Variants in SNED1 observed in about 807,000 individuals in gnomAD.
SNED1 encodes the protein sushi, nidogen and EGF-like domain-containing protein 1.
A neutral mutation model predicts 166.7 loss-of-function variants in SNED1; 81 were observed. The observed-to-expected ratio is 0.49, with a 90% CI of 0.41 to 0.58. The LOEUF (loss-of-function observed/expected upper bound fraction) is 0.58, where lower values mean the gene tolerates loss of function less well. SNED1 is among the 20% of genes least tolerant of loss of function. SNED1 has a pLI of 0.00. For synonymous variants in SNED1, 762 were observed against 822.0 expected (o/e 0.93, Z 1.25); for missense variants, 1,604 against 2,000.2 (o/e 0.80, Z 3.78).
At position 241,000,817 on chromosome 2, in the gene SNED1, T is replaced by C. The variant is rs993274056; in HGVS notation, c.213+1767T>C. Among the ~76,000 whole-genome samples, 8 of 152,340 alleles carry C rather than the reference T, an allele frequency of 5.3e-5. No homozygotes were observed. In the East Asian group the frequency reaches 1.4e-3, roughly 26 times the overall value. On this transcript the variant is annotated intron_variant, in intron 1 of 31. Coordinates refer to ENST00000310397, the MANE Select transcript of SNED1 (RefSeq NM_001080437.3). The stretch of plus-strand genomic sequence containing the variant: ...ATATTATTTGAAAACCATTTGCCGA[T>C]GTGGACACAGTGCCTGCAGTGCACT...
At chr2:241,015,681 G>A (rs866440476) in intron 1 of SNED1, 6 of 170,208 alleles carry the variant, frequency 3.5e-5, no homozygotes, top group East Asian at 1.9e-4. Flanking sequence ...CCCATGAATC[G>A]TCTCATAGCG....
chr2:241,066,768 G>A (rs1395797508), intron 21 of SNED1, among the ~76,000 whole-genome samples: 1 of 152,192 alleles, frequency 6.6e-6, no homozygotes, highest in Admixed American at 6.5e-5. Flanking sequence ...GTTCTCACAG[G>A]AGGAAAGCCT....
At chr2:241,061,339 T>C (rs2062223311) in intron 16 of SNED1, among the ~76,000 whole-genome samples, 1 of 152,118 alleles carries the variant, frequency 6.6e-6, no homozygotes, top group Admixed American at 6.5e-5. Context: ...GCTGGTAAAT[T>C]TTCAGAAGTC....
intron 1 of SNED1, among the ~76,000 whole-genome samples, chr2:241,000,601 G>A (rs1251633960): frequency 6.6e-6 from 1 of 152,180 alleles, no homozygotes; most frequent in African/African-American, 2.4e-5. Flanking sequence ...CACAGTCACA[G>A]GTGAAAATAT....
At position 241,038,069 on chromosome 2, in the gene SNED1, AC is replaced by A. The variant is rs763567238; in HGVS notation, c.1045+725del. ...TCACCCACCTGGTAAAGAAAGGTGG[AC>A]CCCCCCCCAATTCCTGCTCTCCATC... On this transcript the variant is annotated intron_variant, in intron 6 of 31. Transcript: ENST00000310397. 5.3e-4 allele frequency among the ~76,000 whole-genome samples: 78 copies of A among 145,820 alleles called. 1 individual carries two copies. The highest frequency in any genetic ancestry group is 4.0e-3 in the East Asian group (20 of 4,942).
chr2:240,998,960 C>G lies in SNED1; in HGVS notation c.123C>G (p.Ala41=). ...FYPFGAERGD[A]VTPKQDDGGS... is the part of the protein sequence containing the mutation. ...CGTTCGGCGCCGAGCGCGGCGACGC[C>G]GTCACCCCCAAGCAGGACGACGGCG... is the stretch of plus-strand genomic sequence containing the variant. The change falls in exon 1 of 32, where the codon GCC becomes GCG. Residue 41 remains alanine, a synonymous_variant. Transcript: ENST00000310397. 1 of 1,309,844 alleles carries G rather than the reference C, an allele frequency of 7.6e-7. No individual in the cohort carries two copies. The highest frequency in any genetic ancestry group is 3.8e-5 in the Admixed American group (1 of 26,564). The allele number at this position is 1,309,844 out of a possible 1,614,324, so 81.1% of individuals were successfully genotyped here.
intron 27 of SNED1, among the ~76,000 whole-genome samples, chr2:241,076,143 A>G (rs1178099154): frequency 6.6e-6 from 1 of 152,088 alleles, no homozygotes; most frequent in East Asian, 1.9e-4. Flanking sequence ...TTCCACATAT[A>G]CACCTTCAAA....
At chr2:241,086,323 C>CA (rs1050051538) in intron 29 of SNED1, among the ~76,000 whole-genome samples, 12 of 151,946 alleles carry the variant, frequency 7.9e-5, no homozygotes, top group African/African-American at 2.9e-4. Flanking sequence ...GGACCCTACA[C>CA]AGATTCTGGA....
intron 11 of SNED1, among the ~76,000 whole-genome samples, 179 bp downstream of exon 11, chr2:241,049,314 C>T (rs2061757612): frequency 6.6e-6 from 1 of 152,214 alleles, no homozygotes; most frequent in Admixed American, 6.5e-5. Flanking sequence ...GACATCTCCT[C>T]TTCCCCAGTG....
Position 241,087,437 on chromosome 2 carries a change from G to A in SNED1, c.4167G>A (p.Glu1389=). The A allele has an allele frequency of 6.2e-7, 1 of 1,604,550 alleles. No individual in the cohort carries two copies. The highest frequency in any genetic ancestry group is 1.1e-5 in the South Asian group (1 of 89,084). ...TTCACCAAGACATCTGCTTCAAAGA[G>A]AGCTGTGAAAGCACAAGCCTCAAGA... ...YRVHQDICFK[E]SCESTSLKKT... is the part of the protein sequence containing the mutation. Residue 1389 remains glutamate, a synonymous_variant, in exon 30 of 32, where the codon GAG becomes GAA. Coordinates refer to ENST00000310397, the MANE Select transcript of SNED1 (RefSeq NM_001080437.3).
At chr2:241,081,890 C>A in intron 28 of SNED1, 97 bp downstream of exon 28, 1 of 920,138 alleles carries the variant, frequency 1.1e-6, no homozygotes, top group Non-Finnish European at 1.7e-6. Flanking sequence ...CGGGAGCCTC[C>A]AAACGATGAG....
rs2062878813 is a variant in SNED1 at position 241,073,971 on chromosome 2, A to G, written c.3916+607A>G. On this transcript the variant is annotated intron_variant, in intron 27 of 31. Transcript: ENST00000310397. The surrounding 1 kb of genome is among the most constrained non-coding windows in gnomAD (Gnocchi z 6.6). ...CAGTTCCCCTTCGGGCAGCACCAAT[A>G]CATGTGTGTTCCTCACCCTGAGTCA... 1 of 154,986 alleles carries G rather than the reference A, an allele frequency of 6.5e-6. No individual in the cohort carries two copies. The highest frequency in any genetic ancestry group is 1.4e-5 in the Non-Finnish European group (1 of 69,932). The allele number at this position is 154,986 out of a possible 1,614,324, so 9.6% of individuals were successfully genotyped here. A position where few individuals can be genotyped will look rare whatever the true frequency, so the allele number is the denominator to read the frequency against.
Position 241,068,926 on chromosome 2 carries a change from G to T in SNED1, c.3210G>T (p.Gly1070=), listed in dbSNP as rs370032581. 44 of 1,552,346 alleles carry T rather than the reference G, an allele frequency of 2.8e-5. No individual in the cohort carries two copies. The highest frequency in any genetic ancestry group is 3.6e-5 in the Non-Finnish European group (41 of 1,147,862). The change falls in exon 23 of 32, where the codon GGG becomes GGT. Residue 1070 remains glycine, a synonymous_variant. Transcript: ENST00000310397. This position sits in a 1 kb window ranked among gnomAD's most constrained non-coding sequence, Gnocchi z 5.3. Reference sequence around the variant, plus strand: ...CTGCCCACAGGGCCCTGCTGCCTGGGAAGAGGTACACCATCCAGCTGACCA... The same window carrying T: ...CTGCCCACAGGGCCCTGCTGCCTGGTAAGAGGTACACCATCCAGCTGACCA... The part of the protein sequence containing the change: ...DRFTFRALLP[G]KRYTIQLTTL...
intron 27 of SNED1, among the ~76,000 whole-genome samples, chr2:241,078,062 A>G (rs951418080): frequency 1.3e-5 from 2 of 152,224 alleles, no homozygotes; most frequent in African/African-American, 4.8e-5. Flanking sequence ...GCCAGAAAGT[A>G]GAAACCACCA....
Position 241,064,789 on chromosome 2 carries a change from G to T in SNED1, c.2600-55G>T. ...TGCCCCAGGAGCAAGGGCGGGGCTG[G>T]AGCAGGGACCCCTGGCCACGCCCCA... On this transcript the variant is annotated intron_variant, in intron 19 of 31. Coordinates refer to ENST00000310397, the MANE Select transcript of SNED1 (RefSeq NM_001080437.3). The surrounding 1 kb of genome is among the most constrained non-coding windows in gnomAD (Gnocchi z 7.0). The T allele has an allele frequency of 1.5e-6, 2 of 1,321,628 alleles. No homozygotes were observed. The highest frequency in any genetic ancestry group is 2.0e-6 in the Non-Finnish European group (2 of 975,696). 81.9% of individuals were successfully genotyped at this position (1,321,628 alleles called of 1,614,324 possible).
At position 241,092,181 on chromosome 2, in the gene SNED1, G is replaced by A. The variant is rs1457822946; in HGVS notation, c.*545G>A. 2 of 152,244 alleles carry A rather than the reference G, an allele frequency of 1.3e-5. No homozygotes were observed. The highest frequency in any genetic ancestry group is 4.8e-5 in the African/African-American group (2 of 41,438). 9.4% of individuals were successfully genotyped at this position (152,244 alleles called of 1,614,324 possible). ...TTGCAGACACAGCCGCCCCTGCTCT[G>A]GTCCTCCAGCGTGTTTATGACGCTC... On this transcript the variant is annotated 3_prime_UTR_variant, in exon 32 of 32. Transcript: ENST00000310397. This position sits in a 1 kb window ranked among gnomAD's most constrained non-coding sequence, Gnocchi z 4.6.
At position 241,068,285 on chromosome 2, in the gene SNED1, A is replaced by G. The variant is rs1296414996; in HGVS notation, c.3194+338A>G. Among the ~76,000 whole-genome samples the G allele has an allele frequency of 2.6e-5, 4 of 151,732 alleles. No individual in the cohort carries two copies. The highest frequency in any genetic ancestry group is 5.9e-5 in the Non-Finnish European group (4 of 67,950). On this transcript the variant is annotated intron_variant, in intron 22 of 31. Coordinates refer to ENST00000310397, the MANE Select transcript of SNED1 (RefSeq NM_001080437.3). This position sits in a 1 kb window ranked among gnomAD's most constrained non-coding sequence, Gnocchi z 5.3. ...AGAGAGCAGCGGCCAGCGAGGGTAG[A>G]TGGTAGCAGCCCCGAGCTCTCCCAG... is the stretch of plus-strand genomic sequence containing the variant.
At position 241,073,717 on chromosome 2, in the gene SNED1, T is replaced by G; in HGVS notation, c.3916+353T>G. 2.3e-6 allele frequency: 1 copy of G among 427,808 alleles called. No homozygotes were observed. The allele number at this position is 427,808 out of a possible 1,614,324, so 26.5% of individuals were successfully genotyped here. A position where few individuals can be genotyped will look rare whatever the true frequency, so the allele number is the denominator to read the frequency against. ...GCCTCTGGGCCCCTCACCCCTCACTTCTCCAAAGAGGAGCAGGCGGAGTCA... is the reference window on the plus strand; with the variant it reads ...GCCTCTGGGCCCCTCACCCCTCACTGCTCCAAAGAGGAGCAGGCGGAGTCA... On this transcript the variant is annotated intron_variant, in intron 27 of 31. Transcript: ENST00000310397. This position sits in a 1 kb window ranked among gnomAD's most constrained non-coding sequence, Gnocchi z 6.6.
intron 27 of SNED1, among the ~76,000 whole-genome samples, chr2:241,078,395 A>G (rs934103722): frequency 2.0e-5 from 3 of 149,190 alleles, no homozygotes; most frequent in Admixed American, 6.6e-5. Flanking sequence ...AAAAAAAAAA[A>G]AAAGAAAGAA....
Sources: gnomAD v4.1 joint callset for allele counts (sites outside exome capture counted in the v4.1 genomes callset) on GRCh38, gnomAD v4.1.1 for gene constraint, Gnocchi (gnomAD v3.1) non-coding constraint, MANE v1.5 for transcripts, NCBI Gene and HGNC (gene_info 2026-07-23, HGNC 2026-07-21) for gene names.